FRMD4A: variants seen among roughly 807,000 people sequenced by gnomAD.
The protein encoded by FRMD4A is FERM domain-containing protein 4A.
In FRMD4A, 29 loss-of-function variants were observed where a neutral mutation model predicts 129.1. The ratio of observed to expected loss-of-function variants is 0.22; its 90% CI spans 0.17 to 0.31. The LOEUF is 0.31. Among genes scored for constraint, FRMD4A ranks in the 10% least tolerant of loss-of-function variants. The pLI is 1.00. For missense variants in FRMD4A, 1,272 were observed against 1,375.8 expected (o/e 0.92, Z 1.19); for synonymous variants, 634 against 571.6 (o/e 1.11, Z -1.56).
At chr10:14,091,372 GT>G (rs1371228301) in intron 2 of FRMD4A, among the ~76,000 whole-genome samples, 2 of 151,954 alleles carry the variant, frequency 1.3e-5, no homozygotes, top group East Asian at 1.9e-4. Context: ...GTGTATAAAG[GT>G]TTTTTTTAAA....
chr10:13,789,469 A>G (rs2092942083), intron 5 of FRMD4A, among the ~76,000 whole-genome samples: 1 of 152,052 alleles, frequency 6.6e-6, no homozygotes, highest in Admixed American at 6.6e-5. Context: ...GATCAGAACT[A>G]CAGGACACTT....
At chr10:13,877,703 T>C (rs2094502463) in intron 2 of FRMD4A, among the ~76,000 whole-genome samples, 1 of 152,258 alleles carries the variant, frequency 6.6e-6, no homozygotes, top group East Asian at 1.9e-4. Flanking sequence ...TCTGCTGGAA[T>C]GTCGCTGGCA....
intron 2 of FRMD4A, among the ~76,000 whole-genome samples, chr10:14,108,593 T>G (rs369892377): frequency 6.6e-6 from 1 of 152,174 alleles, no homozygotes; most frequent in Non-Finnish European, 1.5e-5. Flanking sequence ...CATCAAGAAC[T>G]TAACCCAATT....
intron 8 of FRMD4A, among the ~76,000 whole-genome samples, chr10:13,750,109 G>GAAAGAAAGAAAGAAAGAAATAAAGA (rs59377985): frequency 2.7e-5 from 2 of 73,612 alleles, no homozygotes; most frequent in African/African-American, 1.2e-4. Context: ...AGAAAGAAAT[G>GAAAGAAAGAAAGAAAGAAATAAAGA]AAGAAAGAAA....
At chr10:13,891,589 C>T (rs1466532775) in intron 2 of FRMD4A, 4 of 985,186 alleles carry the variant, frequency 4.1e-6, no homozygotes, top group Non-Finnish European at 4.8e-6. Context: ...CAGTCGCCTC[C>T]CTGCCACCGC....
intron 2 of FRMD4A, among the ~76,000 whole-genome samples, chr10:14,304,119 C>T (rs118059101): frequency 1.2e-3 from 181 of 152,308 alleles, no homozygotes; most frequent in Non-Finnish European, 2.2e-3. Context: ...ATCTCAACAT[C>T]CTGCTTTCAA....
chr10:14,092,501 C>G lies in FRMD4A; in HGVS notation c.46-233589G>C, dbSNP rs149613569. Among the ~76,000 whole-genome samples, 34 of 152,348 alleles carry G rather than the reference C, an allele frequency of 2.2e-4. No individual in the cohort carries two copies. The East Asian group carries it at 5.4e-3, about 24-fold the overall frequency. The stretch of plus-strand genomic sequence containing the variant: ...GGGCAAAATGAGAAACTGGAGGTAG[C>G]TGTAATCCCTCTGATGTCAGGGACT... On this transcript the variant is annotated intron_variant, in intron 2 of 24. Transcript: ENST00000357447.
intron 6 of FRMD4A, among the ~76,000 whole-genome samples, chr10:13,772,197 T>C (rs2092476840): frequency 7.3e-6 from 1 of 137,334 alleles, no homozygotes; most frequent in South Asian, 2.2e-4. Flanking sequence ...TATTATATAA[T>C]AATAAATATT....
intron 2 of FRMD4A, among the ~76,000 whole-genome samples, chr10:13,872,198 GTC>G (rs2094446027): frequency 1.3e-5 from 2 of 152,204 alleles, no homozygotes; most frequent in South Asian, 4.1e-4. Flanking sequence ...GGCGCTGCAG[GTC>G]TCTGTCCCCT....
chr10:14,071,412 T>C (rs1835312485), intron 2 of FRMD4A, among the ~76,000 whole-genome samples: 1 of 152,202 alleles, frequency 6.6e-6, no homozygotes, highest in South Asian at 2.1e-4. Context: ...ATAAACCGTA[T>C]GCCCATGTTA....
intron 2 of FRMD4A, among the ~76,000 whole-genome samples, chr10:14,161,047 C>T (rs758518153): frequency 6.6e-6 from 1 of 152,106 alleles, no homozygotes; most frequent in Non-Finnish European, 1.5e-5. Context: ...CTCTGCCTCC[C>T]GGGTTCAAGT....
At chr10:13,685,612 G>A (rs2084998034) in intron 15 of FRMD4A, 1 of 983,668 alleles carries the variant, frequency 1.0e-6, no homozygotes, top group Admixed American at 6.1e-5. Context: ...CAGAGGGCTG[G>A]CCCTAAATGG....
At chr10:14,181,868 T>C (rs1376558398) in intron 2 of FRMD4A, among the ~76,000 whole-genome samples, 21 of 152,084 alleles carry the variant, frequency 1.4e-4, no homozygotes, top group Admixed American at 1.3e-3. Flanking sequence ...TTTGTGTACT[T>C]TTAGTTGAGA....
intron 15 of FRMD4A, among the ~76,000 whole-genome samples, chr10:13,691,826 T>G (rs2085724854): frequency 6.6e-6 from 1 of 152,042 alleles, no homozygotes; most frequent in Non-Finnish European, 1.5e-5. Flanking sequence ...CGATTGTAGG[T>G]TGTGTTTAAA....
chr10:13,795,972 G>A (rs1172700900), intron 5 of FRMD4A, among the ~76,000 whole-genome samples: 1 of 152,150 alleles, frequency 6.6e-6, no homozygotes, highest in East Asian at 1.9e-4. Flanking sequence ...ACAGAAAAAT[G>A]CCTATTGTTT....
In FRMD4A at chr10:13,850,367, G is replaced by A. The variant is rs984829855; in HGVS notation, c.111+8480C>T. Among the ~76,000 whole-genome samples, 7 of 151,844 alleles carry A rather than the reference G, an allele frequency of 4.6e-5. No individual in the cohort carries two copies. In the East Asian group the frequency reaches 1.2e-3, roughly 25 times the overall value. Reference sequence around the variant, plus strand: ...ACTGACAGCCCATATTAATGTACTCGACCTTTAAGATGGGATATCACCAGC... The same window carrying A: ...ACTGACAGCCCATATTAATGTACTCAACCTTTAAGATGGGATATCACCAGC... On this transcript the variant is annotated intron_variant, in intron 3 of 24. Transcript: ENST00000357447.
At chr10:14,301,993 C>CGAAA (rs1450187281) in intron 2 of FRMD4A, among the ~76,000 whole-genome samples, 1 of 152,114 alleles carries the variant, frequency 6.6e-6, no homozygotes, top group African/African-American at 2.4e-5. Flanking sequence ...GGGAGTTTTT[C>CGAAA]AGACAAATCT....
intron 5 of FRMD4A, among the ~76,000 whole-genome samples, chr10:13,788,211 T>C (rs1416114624): frequency 6.6e-6 from 1 of 151,952 alleles, no homozygotes; most frequent in Admixed American, 6.6e-5. Flanking sequence ...GGATCCAGGG[T>C]CCACCCCTCC....
intron 12 of FRMD4A, chr10:13,729,335 G>A (rs2090157812): frequency 6.6e-6 from 1 of 152,272 alleles, no homozygotes; most frequent in Admixed American, 6.5e-5. Context: ...TGGAATGAGG[G>A]AGGCAGCCAC....
Sources: allele counts gnomAD v4.1 joint callset (sites outside exome capture counted in the v4.1 genomes callset), GRCh38; gene constraint gnomAD v4.1.1; transcripts MANE v1.5; gene names NCBI Gene and HGNC (gene_info 2026-07-23, HGNC 2026-07-21).